TASP1: variants seen among roughly 807,000 people sequenced by gnomAD.
TASP1 encodes taspase 1.
TASP1 carries 16 observed loss-of-function variants against 56.6 expected under a neutral mutation model. That is an observed-to-expected ratio of 0.28 (90% CI 0.19 to 0.43). The LOEUF is 0.43. TASP1 is among the 20% of genes least tolerant of loss of function. TASP1 has a pLI of 1.00. For synonymous variants in TASP1, 179 were observed against 184.2 expected, an observed-to-expected ratio of 0.97 and a Z score of 0.23; for missense variants, 393 against 511.6, an observed-to-expected ratio of 0.77 and a Z score of 2.24.
At chr20:13,562,646 G>T (rs2046379378) in intron 7 of TASP1, among the ~76,000 whole-genome samples, 1 of 152,024 alleles carries the variant, frequency 6.6e-6, no homozygotes, top group Non-Finnish European at 1.5e-5. Flanking sequence ...GGAAACCAAT[G>T]TGGGTGAATC....
the TASP1 span, among the ~76,000 whole-genome samples, chr20:13,301,943 T>C: frequency 6.6e-6 from 1 of 151,724 alleles, no homozygotes; most frequent in Non-Finnish European, 1.5e-5. Context: ...AATGAAGGAG[T>C]GGGATTTTAT....
At chr20:13,447,956 T>C (rs1422729980) in intron 11 of TASP1, among the ~76,000 whole-genome samples, 2 of 152,148 alleles carry the variant, frequency 1.3e-5, no homozygotes, top group East Asian at 1.9e-4. Context: ...TTTTTTGTAA[T>C]ACAGAAGTTT....
chr20:13,285,788 G>GA, the TASP1 span, among the ~76,000 whole-genome samples: 1 of 152,208 alleles, frequency 6.6e-6, no homozygotes, highest in African/African-American at 2.4e-5. Context: ...ACTATAACAA[G>GA]AAAGTGCCTC....
chr20:13,548,581 G>C (rs1568569485), intron 8 of TASP1, among the ~76,000 whole-genome samples: 1 of 152,130 alleles, frequency 6.6e-6, no homozygotes, highest in Non-Finnish European at 1.5e-5. Flanking sequence ...CTGGCTGCCT[G>C]GTGAAGGTTT....
intron 13 of TASP1, among the ~76,000 whole-genome samples, chr20:13,408,458 T>C (rs6042076): frequency 0.1 from 15,189 of 152,132 alleles, 1,549 homozygotes; most frequent in African/African-American, 0.27. Context: ...TATTGGTCTG[T>C]AGTTTTCCTT....
At chr20:13,393,060 C>A in intron 13 of TASP1, 1 of 595,220 alleles carries the variant, frequency 1.7e-6, no homozygotes, top group South Asian at 1.6e-5. Flanking sequence ...CTGAGGCCCC[C>A]ATGTTTATAT....
At chr20:13,605,688 T>A (rs996834835) in intron 4 of TASP1, among the ~76,000 whole-genome samples, 10 of 151,760 alleles carry the variant, frequency 6.6e-5, no homozygotes, top group African/African-American at 1.2e-4. Context: ...TAAAAAAAAA[T>A]AATAATAAAT....
chr20:13,229,588 C>G, the TASP1 span, among the ~76,000 whole-genome samples: 1 of 152,166 alleles, frequency 6.6e-6, no homozygotes, highest in Non-Finnish European at 1.5e-5. Flanking sequence ...TGGTTTGTTT[C>G]CATTGCTTTG....
intron 12 of TASP1, 52 bp from the exon 13 acceptor site, chr20:13,417,573 A>G (rs987962088): frequency 1.9e-6 from 3 of 1,597,090 alleles, no homozygotes; most frequent in Admixed American, 3.4e-5. Flanking sequence ...GATGGAAAAT[A>G]AATCTTTGCT....
chr20:13,433,841 T>TAAAAAAAAA (rs111973613), intron 12 of TASP1, among the ~76,000 whole-genome samples: 2,010 of 115,750 alleles, frequency 0.017, 29 homozygotes, highest in African/African-American at 0.027. Context: ...GTGTTTGTAT[T>TAAAAAAAAA]AAAAAAAAAA....
the TASP1 span, among the ~76,000 whole-genome samples, chr20:13,202,271 G>A: frequency 5.3e-5 from 8 of 152,248 alleles, no homozygotes; most frequent in African/African-American, 1.9e-4. Context: ...TCATTCAATG[G>A]AGTTGGAAAG....
chr20:13,601,777 A>G (rs1442975507), intron 4 of TASP1, among the ~76,000 whole-genome samples: 1 of 152,038 alleles, frequency 6.6e-6, no homozygotes, highest in Non-Finnish European at 1.5e-5. Context: ...AACAGCGATA[A>G]GTCATGGTCA....
the TASP1 span, among the ~76,000 whole-genome samples, chr20:13,132,389 C>T: frequency 6.6e-6 from 1 of 152,108 alleles, no homozygotes; most frequent in Admixed American, 6.5e-5. Flanking sequence ...GTTGGCCGGG[C>T]TGATCTTGAG....
chr20:13,104,800 T>C, the TASP1 span, among the ~76,000 whole-genome samples: 1 of 152,210 alleles, frequency 6.6e-6, no homozygotes, highest in African/African-American at 2.4e-5. Context: ...TTTATTTTAA[T>C]TTCCGTATCT....
At chr20:13,299,314 A>G in the TASP1 span, 8 of 1,613,810 alleles carry the variant, frequency 5.0e-6, no homozygotes, top group Non-Finnish European at 6.8e-6. The surrounding 1 kb of genome is among the most constrained non-coding windows in gnomAD (Gnocchi z 5.8). Flanking sequence ...CTCCACTACA[A>G]GGTGGACGTC....
intron 10 of TASP1, among the ~76,000 whole-genome samples, chr20:13,521,746 C>T (rs1601106817): frequency 6.6e-6 from 1 of 151,474 alleles, no homozygotes; most frequent in Admixed American, 6.6e-5. Context: ...CTAATCTGCA[C>T]GTTGTGCACA....
At chr20:13,115,652 C>T in the TASP1 span, among the ~76,000 whole-genome samples, 10 of 152,134 alleles carry the variant, frequency 6.6e-5, no homozygotes, top group Admixed American at 2.0e-4. Context: ...ACCCACATGC[C>T]TCGCTCCTAT....
the TASP1 span, among the ~76,000 whole-genome samples, chr20:13,318,486 C>CA: frequency 6.6e-6 from 1 of 152,246 alleles, no homozygotes; most frequent in East Asian, 1.9e-4. Context: ...GGTATTTACC[C>CA]AAAAAACTTG....
At chr20:13,417,788 T>C (rs550480620) in intron 12 of TASP1, among the ~76,000 whole-genome samples, 1 of 152,318 alleles carries the variant, frequency 6.6e-6, no homozygotes, top group Admixed American at 6.5e-5. Context: ...TCTTGTAACA[T>C]TAAATGCACA....
Sources: allele counts gnomAD v4.1 joint callset (sites outside exome capture counted in the v4.1 genomes callset), GRCh38; gene constraint gnomAD v4.1.1; non-coding constraint Gnocchi (gnomAD v3.1); transcripts MANE v1.5; gene names NCBI Gene and HGNC (gene_info 2026-07-23, HGNC 2026-07-21).